Variants in SDK1 observed in about 807,000 individuals in gnomAD.
SDK1 encodes sidekick cell adhesion molecule 1.
Under a neutral mutation model 245.5 loss-of-function variants are expected in SDK1, and 157 were observed. The observed-to-expected ratio is 0.64, with a 90% CI of 0.56 to 0.73. The LOEUF is 0.73. Among genes scored for constraint, SDK1 ranks in the 30% least tolerant of loss-of-function variants. SDK1 has a pLI of 0.00. For synonymous variants in SDK1, 1,647 were observed against 1,278.5 expected, an observed-to-expected ratio of 1.29 and a Z score of -6.15; for missense variants, 3,583 against 3,002.3, an observed-to-expected ratio of 1.19 and a Z score of -4.52.
At chr7:4,023,227 AT>A (rs1787069414) in intron 17 of SDK1, among the ~76,000 whole-genome samples, 1 of 152,052 alleles carries the variant, frequency 6.6e-6, no homozygotes, top group African/African-American at 2.4e-5. Flanking sequence ...GACTTTTCTT[AT>A]CCCCCTTCAT....
intron 1 of SDK1, among the ~76,000 whole-genome samples, chr7:3,496,075 C>G (rs1407154788): frequency 2.6e-5 from 4 of 152,154 alleles, no homozygotes; most frequent in African/African-American, 9.7e-5. Context: ...TGATAACGGT[C>G]TTTAAGAGCT....
At chr7:3,467,342 A>G (rs1781039557) in intron 1 of SDK1, among the ~76,000 whole-genome samples, 1 of 152,122 alleles carries the variant, frequency 6.6e-6, no homozygotes, top group South Asian at 2.1e-4. Context: ...TATTCATGTA[A>G]TTAAGAGCCC....
At chr7:4,092,168 T>C (rs1196701613) in intron 22 of SDK1, among the ~76,000 whole-genome samples, 1 of 152,170 alleles carries the variant, frequency 6.6e-6, no homozygotes, top group East Asian at 1.9e-4. Context: ...TCACGGGTGA[T>C]TGAGAGAACT....
At chr7:3,350,697 G>C (rs1415915785) in intron 1 of SDK1, among the ~76,000 whole-genome samples, 1 of 152,108 alleles carries the variant, frequency 6.6e-6, no homozygotes, top group African/African-American at 2.4e-5. Flanking sequence ...TCCTGGTGAT[G>C]TCTCATCTTT....
intron 1 of SDK1, among the ~76,000 whole-genome samples, chr7:3,318,808 A>G (rs1252031434): frequency 6.6e-6 from 1 of 152,196 alleles, no homozygotes; most frequent in African/African-American, 2.4e-5. Flanking sequence ...AAGAAGGAAT[A>G]TTTTCTTGGT....
At chr7:3,330,494 G>T (rs1236982319) in intron 1 of SDK1, among the ~76,000 whole-genome samples, 1 of 152,136 alleles carries the variant, frequency 6.6e-6, no homozygotes, top group Non-Finnish European at 1.5e-5. Flanking sequence ...TCCATGATGA[G>T]ACTGTTGGCT....
At chr7:3,995,175 C>T (rs1361691967) in intron 14 of SDK1, among the ~76,000 whole-genome samples, 1 of 152,232 alleles carries the variant, frequency 6.6e-6, no homozygotes, top group African/African-American at 2.4e-5. Flanking sequence ...ACTTCAGCAA[C>T]AAGGCATTCC....
At chr7:3,791,535 G>A (rs1243815201) in intron 4 of SDK1, among the ~76,000 whole-genome samples, 3 of 152,082 alleles carry the variant, frequency 2.0e-5, no homozygotes, top group Non-Finnish European at 2.9e-5. Flanking sequence ...TGAGGGATGC[G>A]GCTGCCGATG....
intron 1 of SDK1, among the ~76,000 whole-genome samples, chr7:3,585,349 T>C (rs1780649983): frequency 6.6e-6 from 1 of 152,142 alleles, no homozygotes; most frequent in Admixed American, 6.5e-5. Flanking sequence ...AATCAGAACT[T>C]GTAATAAAGC....
At chr7:3,748,429 A>T (rs1418462309) in intron 4 of SDK1, among the ~76,000 whole-genome samples, 1 of 152,234 alleles carries the variant, frequency 6.6e-6, no homozygotes, top group Non-Finnish European at 1.5e-5. Flanking sequence ...TAACGGGCTT[A>T]TGGAATAATA....
intron 9 of SDK1, among the ~76,000 whole-genome samples, chr7:3,964,060 A>G (rs946832503): frequency 2.6e-5 from 4 of 152,276 alleles, no homozygotes; most frequent in Non-Finnish European, 4.4e-5. Context: ...GGGTACACCT[A>G]TCAGCAAAGC....
chr7:3,976,078 ATCACTGAGGGTCCCGGGGCTGAG>A (rs1314923283), intron 13 of SDK1, among the ~76,000 whole-genome samples: 3 of 1,264 alleles, frequency 2.4e-3, no homozygotes, highest in Non-Finnish European at 4.0e-3. Context: ...CCTCCAGAGA[ATCACTGAGGGTCCCGGGGCTGAG>A]GCTGCCACGC....
intron 4 of SDK1, among the ~76,000 whole-genome samples, chr7:3,666,763 C>T (rs536623453): frequency 1.3e-5 from 2 of 152,230 alleles, no homozygotes; most frequent in East Asian, 1.9e-4. Flanking sequence ...CAAAAAAAAT[C>T]AAAGGAGAGA....
chr7:3,827,692 G>C (rs1293278890), intron 5 of SDK1, among the ~76,000 whole-genome samples: 2 of 152,212 alleles, frequency 1.3e-5, no homozygotes, highest in African/African-American at 4.8e-5. Flanking sequence ...TGCAGGTGCA[G>C]GGCCATGTCA....
At chr7:3,767,077 G>C (rs1015786812) in intron 4 of SDK1, among the ~76,000 whole-genome samples, 1 of 152,158 alleles carries the variant, frequency 6.6e-6, no homozygotes, top group Non-Finnish European at 1.5e-5. Context: ...TATCCAGCTG[G>C]GAGAAGTTTG....
chr7:3,799,194 C>T (rs1779042131), intron 4 of SDK1, among the ~76,000 whole-genome samples: 1 of 152,180 alleles, frequency 6.6e-6, no homozygotes, highest in African/African-American at 2.4e-5. Context: ...CTTCAAAATA[C>T]TTATTTTTCG....
chr7:4,265,048 G>C lies in SDK1; in HGVS notation c.6382-76G>C, dbSNP rs535351393. On this transcript the variant is annotated intron_variant, in intron 44 of 44. Transcript: ENST00000404826. ...ACGCCCCTGGGGAGGTGCCCCCACC[G>C]CCAGGCCTCCTGCCCAGCACGCTCC... 375 of 1,547,066 alleles carry C rather than the reference G, an allele frequency of 2.4e-4. No homozygotes were observed. The African/African-American group carries it at 4.6e-3, about 19-fold the overall frequency.
intron 1 of SDK1, among the ~76,000 whole-genome samples, chr7:3,539,137 G>A (rs1267934312): frequency 6.6e-6 from 1 of 152,184 alleles, no homozygotes; most frequent in Non-Finnish European, 1.5e-5. Flanking sequence ...CATGCCACCT[G>A]TTTGCCAGGT....
chr7:4,031,550 G>GAAGAT (rs147041789), intron 17 of SDK1, among the ~76,000 whole-genome samples: 8,801 of 152,032 alleles, frequency 0.058, 464 homozygotes, highest in African/African-American at 0.13. Flanking sequence ...AAAAAAGAGA[G>GAAGAT]AAAACAGACC....
Sources: gnomAD v4.1 joint callset for allele counts (sites outside exome capture counted in the v4.1 genomes callset) on GRCh38, gnomAD v4.1.1 for gene constraint, MANE v1.5 for transcripts, NCBI Gene and HGNC (gene_info 2026-07-23, HGNC 2026-07-21) for gene names.